The following RELN variants were observed in gnomAD, a reference collection of about 807,000 sequenced individuals.
The protein encoded by RELN is reelin.
Under a neutral mutation model 427.6 loss-of-function variants are expected in RELN, and 108 were observed. The ratio of observed to expected loss-of-function variants is 0.25; its 90% CI spans 0.22 to 0.30. RELN has a LOEUF of 0.30. Among genes scored for constraint, RELN ranks in the 10% least tolerant of loss-of-function variants. RELN has a pLI of 1.00. For synonymous variants in RELN, 1,524 were observed against 1,513.4 expected, an observed-to-expected ratio of 1.01 and a Z score of -0.16; for missense variants, 3,715 against 4,302.8, an observed-to-expected ratio of 0.86 and a Z score of 3.82.
chr7:103,758,597 T>G (rs1202236717), intron 4 of RELN, among the ~76,000 whole-genome samples: 1 of 151,692 alleles, frequency 6.6e-6, no homozygotes, highest in African/African-American at 2.4e-5. Context: ...TATTGATAAA[T>G]GAGAATCTAC....
At chr7:103,686,766 C>T (rs1833772988) in intron 10 of RELN, among the ~76,000 whole-genome samples, 1 of 152,232 alleles carries the variant, frequency 6.6e-6, no homozygotes, top group Non-Finnish European at 1.5e-5. Context: ...ATATTTCCTA[C>T]ATCCCAGTTC....
chr7:103,543,920 C>T (rs1324800377), intron 42 of RELN, among the ~76,000 whole-genome samples: 5 of 152,080 alleles, frequency 3.3e-5, no homozygotes, highest in African/African-American at 1.2e-4. Flanking sequence ...TGTCACTGTC[C>T]CCTCACTTTC....
At chr7:103,602,141 GC>G (rs1165405784) in intron 24 of RELN, among the ~76,000 whole-genome samples, 1 of 152,090 alleles carries the variant, frequency 6.6e-6, no homozygotes, top group Non-Finnish European at 1.5e-5. Flanking sequence ...ATACAGAAGT[GC>G]TTCCTATATG....
chr7:103,875,690 A>C (rs1332776801), intron 2 of RELN, among the ~76,000 whole-genome samples: 1 of 152,106 alleles, frequency 6.6e-6, no homozygotes, highest in African/African-American at 2.4e-5. Flanking sequence ...TATACATAAG[A>C]CTTAGGGATT....
rs767729538 is a variant in RELN, at chr7:103,483,712, G to A, written c.10122C>T (p.Ile3374=). 13 of 1,614,024 alleles carry A rather than the reference G, an allele frequency of 8.1e-6. No homozygotes were observed. The highest frequency in any genetic ancestry group is 1.6e-4 in the Middle Eastern group (1 of 6,084). The change falls in exon 62 of 65, where the codon ATC becomes ATT. Residue 3374 remains isoleucine (I), a synonymous_variant. Coordinates refer to ENST00000428762, the MANE Select transcript of RELN (RefSeq NM_005045.4). ...TGAAGTCCTTTGGCTGGTGCTGGGC[G>A]ATGACATGCCAGGTGATCCCGTTGT... is the stretch of plus-strand genomic sequence containing the variant. ...SVNNGITWHV[I]AQHQPKDFTQ...
intron 11 of RELN, among the ~76,000 whole-genome samples, chr7:103,673,948 T>C (rs1833452511): frequency 6.6e-6 from 1 of 151,902 alleles, no homozygotes; most frequent in South Asian, 2.1e-4. Context: ...CTCTTCTTCC[T>C]CCTCCTTCTT....
chr7:103,580,223 C>T (rs362627), intron 28 of RELN, among the ~76,000 whole-genome samples: 32,371 of 152,208 alleles, frequency 0.21, 3,625 homozygotes, highest in Middle Eastern at 0.29. Flanking sequence ...TTTTCCAACA[C>T]CGCATTTGGA....
chr7:103,713,958 G>A (rs777505042), intron 8 of RELN, among the ~76,000 whole-genome samples: 3 of 151,972 alleles, frequency 2.0e-5, no homozygotes, highest in Non-Finnish European at 2.9e-5. Flanking sequence ...CTTGACCCAC[G>A]GCATCAAAAT....
chr7:103,974,710 G>A (rs1230415063), intron 1 of RELN, among the ~76,000 whole-genome samples: 3 of 152,132 alleles, frequency 2.0e-5, no homozygotes, highest in Non-Finnish European at 2.9e-5. Flanking sequence ...GAAATTTGTC[G>A]AGTTTCCATT....
intron 11 of RELN, among the ~76,000 whole-genome samples, chr7:103,675,644 A>T (rs1183580335): frequency 6.6e-5 from 10 of 152,228 alleles, no homozygotes; most frequent in Admixed American, 6.5e-4. Flanking sequence ...ACTATACTAC[A>T]AGGCTGCAGT....
intron 61 of RELN, among the ~76,000 whole-genome samples, 191 bp from the exon 62 acceptor site, chr7:103,484,041 G>A (rs1167299898): frequency 6.6e-6 from 1 of 151,930 alleles, no homozygotes; most frequent in Non-Finnish European, 1.5e-5. Flanking sequence ...CACCACGCCT[G>A]GCTAATTTTT....
At chr7:103,575,131 C>A (rs1053713727) in intron 29 of RELN, among the ~76,000 whole-genome samples, 4 of 152,204 alleles carry the variant, frequency 2.6e-5, no homozygotes, top group Non-Finnish European at 5.9e-5. Flanking sequence ...CAGCAACTCC[C>A]AGCTGAATGA....
At chr7:103,689,194 A>G (rs992751701) in intron 10 of RELN, among the ~76,000 whole-genome samples, 1 of 152,164 alleles carries the variant, frequency 6.6e-6, no homozygotes, top group African/African-American at 2.4e-5. Flanking sequence ...ACAAGTTGAC[A>G]TAAATGTGTA....
intron 1 of RELN, among the ~76,000 whole-genome samples, chr7:103,940,885 G>C (rs925035485): frequency 6.6e-6 from 1 of 152,068 alleles, no homozygotes; most frequent in Admixed American, 6.6e-5. Context: ...TCCTTCCTTT[G>C]TTATGCTTTT....
intron 19 of RELN, among the ~76,000 whole-genome samples, chr7:103,633,838 T>A (rs1184387955): frequency 4.6e-5 from 7 of 152,226 alleles, no homozygotes; most frequent in African/African-American, 1.4e-4. Context: ...TACCTTGATT[T>A]TTTGTTTAAT....
intron 1 of RELN, among the ~76,000 whole-genome samples, chr7:103,982,972 T>C (rs1220122070): frequency 6.6e-6 from 1 of 152,208 alleles, no homozygotes; most frequent in Non-Finnish European, 1.5e-5. Flanking sequence ...TAATAAAATT[T>C]TATTTTGTTT....
intron 11 of RELN, among the ~76,000 whole-genome samples, chr7:103,666,907 T>A (rs1452087518): frequency 6.6e-6 from 1 of 152,188 alleles, no homozygotes; most frequent in East Asian, 1.9e-4. Context: ...TACAAGAGTA[T>A]CAGTTCTATC....
At chr7:103,930,025 T>A (rs1194633365) in intron 1 of RELN, among the ~76,000 whole-genome samples, 1 of 152,248 alleles carries the variant, frequency 6.6e-6, no homozygotes, top group Non-Finnish European at 1.5e-5. Flanking sequence ...AAAGGCCTCA[T>A]ATATTGCTCA....
At chr7:103,802,749 G>C (rs1467302366) in intron 3 of RELN, among the ~76,000 whole-genome samples, 2 of 152,098 alleles carry the variant, frequency 1.3e-5, no homozygotes, top group Non-Finnish European at 2.9e-5. Flanking sequence ...TTTAGGGATA[G>C]ATATATAACT....
Sources: gnomAD v4.1 joint callset for allele counts (sites outside exome capture counted in the v4.1 genomes callset) on GRCh38, gnomAD v4.1.1 for gene constraint, MANE v1.5 for transcripts, NCBI Gene and HGNC (gene_info 2026-07-23, HGNC 2026-07-21) for gene names.